PARD3: variants seen among roughly 807,000 people sequenced by gnomAD.
PARD3 encodes partitioning defective 3 homolog.
In PARD3, 75 loss-of-function variants were observed where a neutral mutation model predicts 155.4. That is an observed-to-expected ratio of 0.48 (90% CI 0.40 to 0.58). The LOEUF (loss-of-function observed/expected upper bound fraction) is 0.58. Ranked by LOEUF, PARD3 falls within the 20% of genes least tolerant of loss-of-function variation. The pLI, the probability that PARD3 is intolerant of heterozygous loss-of-function variation, is 0.00. For missense variants in PARD3, 1,642 were observed against 1,721.7 expected (o/e 0.95, Z 0.82); for synonymous variants, 576 against 610.5 (o/e 0.94, Z 0.83).
intron 2 of PARD3, among the ~76,000 whole-genome samples, chr10:34,562,090 C>T (rs1174385449): frequency 7.6e-6 from 1 of 131,944 alleles, no homozygotes; most frequent in Non-Finnish European, 1.5e-5. Context: ...CACGCCACTA[C>T]ACTCCAGCCT....
chr10:34,694,131 G>A (rs967752682), intron 2 of PARD3, among the ~76,000 whole-genome samples: 10 of 149,356 alleles, frequency 6.7e-5, no homozygotes, highest in South Asian at 2.1e-4. Context: ...GCAAGAGAGA[G>A]AGACTGAGAA....
chr10:34,639,606 C>A (rs2092602554), intron 2 of PARD3, among the ~76,000 whole-genome samples: 1 of 152,148 alleles, frequency 6.6e-6, no homozygotes, highest in African/African-American at 2.4e-5. Context: ...ACCTCTAATG[C>A]CACCACTTTG....
chr10:34,448,327 GA>G (rs34058630), intron 5 of PARD3, among the ~76,000 whole-genome samples: 106 of 144,342 alleles, frequency 7.3e-4, no homozygotes, highest in African/African-American at 1.3e-3. Flanking sequence ...TGGAATCTTG[GA>G]AAAAAAAAAA....
At chr10:34,137,755 T>C (rs1947979060) in intron 22 of PARD3, among the ~76,000 whole-genome samples, 1 of 152,144 alleles carries the variant, frequency 6.6e-6, no homozygotes, top group Admixed American at 6.5e-5. Flanking sequence ...GAATCCAACC[T>C]GCAGCTTATA....
At chr10:34,557,696 G>A (rs776678299) in intron 2 of PARD3, among the ~76,000 whole-genome samples, 5 of 152,086 alleles carry the variant, frequency 3.3e-5, no homozygotes, top group Admixed American at 6.5e-5. Flanking sequence ...GACTTCAAGC[G>A]ATCCACCTGC....
intron 22 of PARD3, among the ~76,000 whole-genome samples, chr10:34,176,888 G>A (rs549623381): frequency 1.3e-5 from 2 of 152,086 alleles, no homozygotes; most frequent in African/African-American, 2.4e-5. Context: ...AAAGTGATTT[G>A]TAATTGTGCA....
chr10:34,425,024 C>T (rs1158497175), intron 5 of PARD3, among the ~76,000 whole-genome samples: 1 of 152,164 alleles, frequency 6.6e-6, no homozygotes, highest in Non-Finnish European at 1.5e-5. Flanking sequence ...ACTGACATTG[C>T]TGTGAGCCAT....
intron 5 of PARD3, among the ~76,000 whole-genome samples, chr10:34,414,997 A>G (rs142642066): frequency 6.6e-6 from 1 of 152,250 alleles, no homozygotes; most frequent in East Asian, 1.9e-4. Flanking sequence ...TGCAGTAACC[A>G]GAAGTTTGAT....
intron 1 of PARD3, among the ~76,000 whole-genome samples, chr10:34,703,680 C>A (rs2094319287): frequency 6.6e-6 from 1 of 151,976 alleles, no homozygotes; most frequent in African/African-American, 2.4e-5. Flanking sequence ...CAGACATACA[C>A]CAAGGCACAT....
At chr10:34,127,133 CT>C (rs1174517216) in intron 23 of PARD3, among the ~76,000 whole-genome samples, 1 of 152,130 alleles carries the variant, frequency 6.6e-6, no homozygotes, top group African/African-American at 2.4e-5. Flanking sequence ...AAGTTAAAAT[CT>C]TATAAAGAAA....
intron 5 of PARD3, among the ~76,000 whole-genome samples, chr10:34,427,608 C>A (rs1445143155): frequency 3.9e-5 from 6 of 152,204 alleles, no homozygotes; most frequent in Non-Finnish European, 8.8e-5. Flanking sequence ...TCTTTTGTTG[C>A]CCTTAAAGCA....
At chr10:34,340,394 C>A (rs1261217384) in intron 16 of PARD3, among the ~76,000 whole-genome samples, 1 of 152,120 alleles carries the variant, frequency 6.6e-6, no homozygotes, top group Admixed American at 6.5e-5. Context: ...AATGTAACAC[C>A]ATCTGCAGAT....
chr10:34,588,006 C>G (rs2088265454), intron 2 of PARD3, among the ~76,000 whole-genome samples: 1 of 152,110 alleles, frequency 6.6e-6, no homozygotes, highest in African/African-American at 2.4e-5. Context: ...TTCTGCATTA[C>G]TAAGATGAAG....
At chr10:34,804,597 C>G (rs901348031) in intron 1 of PARD3, among the ~76,000 whole-genome samples, 1 of 152,230 alleles carries the variant, frequency 6.6e-6, no homozygotes, top group Non-Finnish European at 1.5e-5. Flanking sequence ...GTTTTGCACA[C>G]TGGGTTTCAG....
chr10:34,616,742 C>T (rs1590244979), intron 2 of PARD3, among the ~76,000 whole-genome samples: 1 of 151,918 alleles, frequency 6.6e-6, no homozygotes, highest in African/African-American at 2.4e-5. Flanking sequence ...GAGTTTGGGA[C>T]CAACCTGGGC....
chr10:34,601,814 C>T (rs1290448713), intron 2 of PARD3, among the ~76,000 whole-genome samples: 2 of 152,012 alleles, frequency 1.3e-5, no homozygotes, highest in Middle Eastern at 3.2e-3. Context: ...CTACATGGGC[C>T]CTTGGACTTT....
chr10:34,591,888 T>C (rs1199155473), intron 2 of PARD3, among the ~76,000 whole-genome samples: 2 of 152,114 alleles, frequency 1.3e-5, no homozygotes, highest in African/African-American at 4.8e-5. Context: ...ACAATCATGA[T>C]TATCACGCCC....
At chr10:34,671,046 T>C (rs559265038) in intron 2 of PARD3, among the ~76,000 whole-genome samples, 1 of 152,342 alleles carries the variant, frequency 6.6e-6, no homozygotes, top group South Asian at 2.1e-4. Context: ...GCTAGAGAGA[T>C]GGCGGGCACC....
chr10:34,661,257 T>C (rs553681088), intron 2 of PARD3, among the ~76,000 whole-genome samples: 1 of 152,336 alleles, frequency 6.6e-6, no homozygotes, highest in South Asian at 2.1e-4. Flanking sequence ...AACGATGCAT[T>C]TCTTGTACCC....
Sources: allele counts gnomAD v4.1 joint callset (sites outside exome capture counted in the v4.1 genomes callset), GRCh38; gene constraint gnomAD v4.1.1; transcripts MANE v1.5; gene names NCBI Gene and HGNC (gene_info 2026-07-23, HGNC 2026-07-21).